The following DGKB variants were observed in gnomAD, a reference collection of about 807,000 sequenced individuals.
DGKB encodes the protein diacylglycerol kinase beta, also known as 90 kDa diacylglycerol kinase.
Under a neutral mutation model 114.3 loss-of-function variants are expected in DGKB, and 67 were observed. That is an observed-to-expected ratio of 0.59 (90% confidence interval 0.48 to 0.72). The LOEUF (loss-of-function observed/expected upper bound fraction) is 0.72, where lower values mean the gene tolerates loss of function less well. Among genes scored for constraint, DGKB ranks in the 30% least tolerant of loss-of-function variants. The pLI is 0.00. For missense variants in DGKB, 907 were observed against 975.2 expected, an observed-to-expected ratio of 0.93 and a Z score of 0.93; for synonymous variants, 398 against 323.1, an observed-to-expected ratio of 1.23 and a Z score of -2.49.
At chr7:14,157,425 T>C (rs1374915312) in intron 25 of DGKB, among the ~76,000 whole-genome samples, 4 of 152,022 alleles carry the variant, frequency 2.6e-5, no homozygotes, top group African/African-American at 4.8e-5. Context: ...AATGATAATT[T>C]CCAAGTTTAA....
intron 1 of DGKB, among the ~76,000 whole-genome samples, chr7:14,966,559 G>A (rs988302294): frequency 1.3e-5 from 2 of 151,888 alleles, no homozygotes; most frequent in African/African-American, 2.4e-5. Context: ...CCATTTTAGC[G>A]TCCTAACGTG....
chr7:14,537,173 A>C (rs1251276109), intron 20 of DGKB, among the ~76,000 whole-genome samples: 7 of 152,148 alleles, frequency 4.6e-5, no homozygotes, highest in Admixed American at 4.6e-4. Flanking sequence ...AAAACAAGAC[A>C]CAAACAAATG....
chr7:14,831,416 T>C (rs753360953), intron 2 of DGKB, among the ~76,000 whole-genome samples: 17 of 152,054 alleles, frequency 1.1e-4, no homozygotes, highest in Non-Finnish European at 2.1e-4. Context: ...AAGGATGTTT[T>C]TGTAGTGGAC....
intron 14 of DGKB, among the ~76,000 whole-genome samples, chr7:14,626,674 C>A (rs1446261576): frequency 6.6e-6 from 1 of 152,146 alleles, no homozygotes; most frequent in Non-Finnish European, 1.5e-5. Flanking sequence ...GAAACAAATT[C>A]ATTTCAAAAA....
intron 21 of DGKB, among the ~76,000 whole-genome samples, chr7:14,376,141 A>G (rs1051977012): frequency 9.9e-5 from 15 of 152,146 alleles, no homozygotes; most frequent in African/African-American, 3.6e-4. Context: ...CTGAGGCAGA[A>G]AGCAGGTAGA....
rs80123548 is a variant in DGKB at position 14,801,969 on chromosome 7, A to C, written c.70+39225T>G. Among the ~76,000 whole-genome samples, 437 of 151,142 alleles carry C rather than the reference A, an allele frequency of 2.9e-3. 1 individual carries two copies. The highest frequency in any genetic ancestry group is 9.7e-3 in the African/African-American group (396 of 41,000). On this transcript the variant is annotated intron_variant, in intron 2 of 25. Transcript: ENST00000402815. ...ACACGCACACACATATACCCCACAC[A>C]TACACACACATACGTATATATGTTT... is the stretch of plus-strand genomic sequence containing the variant.
chr7:14,542,514 G>A (rs1180128384), intron 20 of DGKB, among the ~76,000 whole-genome samples: 1 of 152,104 alleles, frequency 6.6e-6, no homozygotes, highest in Non-Finnish European at 1.5e-5. Context: ...TCCCTTACAT[G>A]ATCCTAGAGA....
intron 9 of DGKB, among the ~76,000 whole-genome samples, chr7:14,693,067 A>G (rs533605660): frequency 6.6e-6 from 1 of 152,284 alleles, no homozygotes; most frequent in Admixed American, 6.5e-5. Context: ...GGTGTCTTGA[A>G]TAACTATGAT....
chr7:14,430,511 T>C (rs1238518168), intron 21 of DGKB, among the ~76,000 whole-genome samples: 5 of 152,210 alleles, frequency 3.3e-5, no homozygotes. Context: ...GCTACATACA[T>C]AGTTTTAAGA....
At chr7:14,308,908 T>C (rs1452313445) in intron 23 of DGKB, among the ~76,000 whole-genome samples, 1 of 152,174 alleles carries the variant, frequency 6.6e-6, no homozygotes, top group Non-Finnish European at 1.5e-5. Context: ...AGTCTGAGTT[T>C]CTTCAGCTTC....
chr7:14,851,880 A>G (rs1849398901), intron 1 of DGKB, among the ~76,000 whole-genome samples: 1 of 152,164 alleles, frequency 6.6e-6, no homozygotes, highest in South Asian at 2.1e-4. Context: ...ACATGAGTAA[A>G]GACGCCTTCA....
At chr7:14,927,603 G>C (rs1014559124) in intron 1 of DGKB, among the ~76,000 whole-genome samples, 1 of 148,754 alleles carries the variant, frequency 6.7e-6, no homozygotes, top group African/African-American at 2.4e-5. Context: ...TTAAAATAAA[G>C]GTTGAATTAT....
intron 21 of DGKB, among the ~76,000 whole-genome samples, chr7:14,389,301 C>T (rs752254517): frequency 3.9e-5 from 6 of 152,198 alleles, no homozygotes; most frequent in Admixed American, 6.5e-5. Flanking sequence ...GAGCCTTGCA[C>T]ACCATTATGT....
At chr7:14,951,572 CAATA>C (rs1786202160) in intron 1 of DGKB, among the ~76,000 whole-genome samples, 1 of 151,804 alleles carries the variant, frequency 6.6e-6, no homozygotes, top group East Asian at 1.9e-4. Context: ...CTATATAATA[CAATA>C]ATAGTGAATA....
At chr7:14,330,457 A>G (rs2159019) in intron 23 of DGKB, among the ~76,000 whole-genome samples, 134,794 of 151,948 alleles carry the variant, frequency 0.89, 60,092 homozygotes, top group African/African-American at 0.97. Context: ...TTTCATTTAT[A>G]TATTAGAAAA....
chr7:14,617,479 G>A (rs1467494290), intron 15 of DGKB, among the ~76,000 whole-genome samples: 5 of 151,364 alleles, frequency 3.3e-5, no homozygotes, highest in East Asian at 1.9e-4. Flanking sequence ...ACAAGCCTAC[G>A]TCTTATAACC....
intron 21 of DGKB, among the ~76,000 whole-genome samples, chr7:14,408,581 A>C (rs1232793442): frequency 6.6e-6 from 1 of 152,168 alleles, no homozygotes; most frequent in Non-Finnish European, 1.5e-5. Flanking sequence ...AAATACATAG[A>C]ACAATTGCCA....
intron 23 of DGKB, among the ~76,000 whole-genome samples, chr7:14,304,087 A>ACACACACACACACACACACTCTCT (rs140836395): frequency 0.012 from 1,334 of 109,994 alleles, 17 homozygotes; most frequent in African/African-American, 0.017. Flanking sequence ...ACACACACAC[A>ACACACACACACACACACACTCTCT]CTCTCTCTCT....
At chr7:14,225,339 A>G (rs1790620240) in intron 23 of DGKB, among the ~76,000 whole-genome samples, 1 of 152,106 alleles carries the variant, frequency 6.6e-6, no homozygotes, top group African/African-American at 2.4e-5. Flanking sequence ...GATTTTCTTG[A>G]CTACATATTT....
Sources: allele counts gnomAD v4.1 joint callset (sites outside exome capture counted in the v4.1 genomes callset), GRCh38; gene constraint gnomAD v4.1.1; transcripts MANE v1.5; gene names NCBI Gene and HGNC (gene_info 2026-07-23, HGNC 2026-07-21).